The following SORCS2 variants were observed in gnomAD, a reference collection of about 807,000 sequenced individuals.
SORCS2 encodes the protein VPS10 domain-containing receptor SorCS2.
A neutral mutation model predicts 141.6 loss-of-function variants in SORCS2; 100 were observed. The observed-to-expected ratio is 0.71, with a 90% CI of 0.60 to 0.83. SORCS2 has a LOEUF of 0.83. Among genes scored for constraint, SORCS2 ranks in the 40% least tolerant of loss-of-function variants. SORCS2 has a pLI of 0.00. For missense variants in SORCS2, 1,646 were observed against 1,560.2 expected (o/e 1.05, Z -0.93); for synonymous variants, 789 against 676.9 (o/e 1.17, Z -2.57).
intron 1 of SORCS2, among the ~76,000 whole-genome samples, chr4:7,268,859 G>A (rs1416695904): frequency 6.6e-6 from 1 of 152,198 alleles, no homozygotes; most frequent in African/African-American, 2.4e-5. Context: ...CTTAGGGTGA[G>A]TGAGATGCCA....
chr4:7,253,400 T>G (rs1343923893), intron 1 of SORCS2, among the ~76,000 whole-genome samples: 1 of 152,070 alleles, frequency 6.6e-6, no homozygotes, highest in African/African-American at 2.4e-5. Context: ...TTCTGAGCAG[T>G]GACACGGGCC....
chr4:7,362,364 C>T (rs570202208), intron 1 of SORCS2, among the ~76,000 whole-genome samples: 1 of 152,268 alleles, frequency 6.6e-6, no homozygotes, highest in South Asian at 2.1e-4. Context: ...ATACCTCTTC[C>T]AGGCAGATAA....
At chr4:7,610,591 G>T (rs1029385747) in intron 3 of SORCS2, among the ~76,000 whole-genome samples, 2 of 152,122 alleles carry the variant, frequency 1.3e-5, no homozygotes, top group Admixed American at 6.5e-5. Flanking sequence ...GGTGGGGCTT[G>T]GGGGGGTCCT....
At chr4:7,543,983 T>C (rs1364809415) in intron 3 of SORCS2, among the ~76,000 whole-genome samples, 18 of 83,606 alleles carry the variant, frequency 2.2e-4, no homozygotes, top group South Asian at 9.2e-4. Context: ...CACCCATCCG[T>C]CCATCCATCC....
At chr4:7,694,760 A>G (rs1180839363) in intron 11 of SORCS2, among the ~76,000 whole-genome samples, 3 of 152,166 alleles carry the variant, frequency 2.0e-5, no homozygotes, top group Non-Finnish European at 4.4e-5. Flanking sequence ...ACCACACTGC[A>G]CAGATTCCAC....
At chr4:7,360,931 G>A (rs1008822701) in intron 1 of SORCS2, among the ~76,000 whole-genome samples, 1 of 151,956 alleles carries the variant, frequency 6.6e-6, no homozygotes, top group Non-Finnish European at 1.5e-5. Context: ...AGGAGCACAA[G>A]TCTTGGCCAT....
intron 10 of SORCS2, among the ~76,000 whole-genome samples, chr4:7,686,575 G>A (rs937896241): frequency 5.9e-5 from 9 of 152,174 alleles, no homozygotes; most frequent in African/African-American, 1.2e-4. Context: ...AGCCTGCCCC[G>A]GGGTTCTCCT....
chr4:7,438,787 A>G (rs565717784), intron 2 of SORCS2, among the ~76,000 whole-genome samples: 8 of 152,102 alleles, frequency 5.3e-5, no homozygotes, highest in African/African-American at 1.9e-4. Flanking sequence ...CGAGGTTCTC[A>G]CTACCCCTCC....
At chr4:7,531,481 G>A (rs1577705407) in intron 2 of SORCS2, 49 bp from the exon 3 acceptor site, 1 of 1,570,466 alleles carries the variant, frequency 6.4e-7, no homozygotes, top group East Asian at 2.3e-5. Context: ...GCTGACGAAG[G>A]CCACACTTGG....
intron 2 of SORCS2, among the ~76,000 whole-genome samples, chr4:7,454,047 T>C (rs1728684732): frequency 8.5e-6 from 1 of 117,514 alleles, no homozygotes. Context: ...GGCCAGGCAC[T>C]GTGTTGGGGT....
chr4:7,624,944 G>T (rs2108836312), intron 3 of SORCS2, among the ~76,000 whole-genome samples: 1 of 152,342 alleles, frequency 6.6e-6, no homozygotes, highest in South Asian at 2.1e-4. Flanking sequence ...TCTCACAAAT[G>T]CTACACACAA....
At chr4:7,243,107 C>A (rs1712822821) in intron 1 of SORCS2, among the ~76,000 whole-genome samples, 1 of 152,184 alleles carries the variant, frequency 6.6e-6, no homozygotes, top group South Asian at 2.1e-4. Context: ...GGCTTTCTTT[C>A]TCCATGAGGG....
At chr4:7,216,912 C>T (rs1031331611) in intron 1 of SORCS2, among the ~76,000 whole-genome samples, 1 of 89,084 alleles carries the variant, frequency 1.1e-5, no homozygotes, top group Non-Finnish European at 2.2e-5. Context: ...GATGCAGAAG[C>T]GGAGTGACTC....
intron 1 of SORCS2, among the ~76,000 whole-genome samples, chr4:7,288,797 G>A (rs1001783022): frequency 8.0e-6 from 1 of 124,736 alleles, no homozygotes; most frequent in Non-Finnish European, 1.8e-5. Context: ...GGGGTGGGGG[G>A]GGGAGTTGGG....
At chr4:7,215,860 C>G (rs565071286) in intron 1 of SORCS2, among the ~76,000 whole-genome samples, 31 of 152,180 alleles carry the variant, frequency 2.0e-4, no homozygotes, top group African/African-American at 7.0e-4. Flanking sequence ...GTAAACGCAC[C>G]AATCAGCACC....
intron 3 of SORCS2, among the ~76,000 whole-genome samples, chr4:7,578,021 G>A (rs969934564): frequency 6.6e-6 from 1 of 152,158 alleles, no homozygotes; most frequent in Non-Finnish European, 1.5e-5. Flanking sequence ...GTTGAAATTT[G>A]GTGACCAAAG....
intron 1 of SORCS2, among the ~76,000 whole-genome samples, chr4:7,254,344 A>C (rs1046045961): frequency 3.3e-5 from 5 of 152,242 alleles, no homozygotes; most frequent in Non-Finnish European, 7.3e-5. Context: ...TGCCATAAAA[A>C]AGTATGAAAG....
At chr4:7,508,915 AG>A (rs1732438356) in intron 2 of SORCS2, among the ~76,000 whole-genome samples, 1 of 152,128 alleles carries the variant, frequency 6.6e-6, no homozygotes, top group Non-Finnish European at 1.5e-5. Flanking sequence ...GAAGTTCTGG[AG>A]GGGGCCCGGC....
intron 12 of SORCS2, among the ~76,000 whole-genome samples, chr4:7,701,242 AAGG>A (rs1317938437): frequency 2.0e-5 from 3 of 150,736 alleles, no homozygotes; most frequent in Admixed American, 6.6e-5. Context: ...AGAGAGAAAA[AAGG>A]AGAGAGGAGG....
Sources: allele counts gnomAD v4.1 joint callset (sites outside exome capture counted in the v4.1 genomes callset), GRCh38; gene constraint gnomAD v4.1.1; transcripts MANE v1.5; gene names NCBI Gene and HGNC (gene_info 2026-07-23, HGNC 2026-07-21).